The following MTHFD1L variants were observed in gnomAD, a reference collection of about 807,000 sequenced individuals.
The protein encoded by MTHFD1L is methylenetetrahydrofolate dehydrogenase (NADP+ dependent) 1 like, also known as monofunctional C1-tetrahydrofolate synthase, mitochondrial.
MTHFD1L carries 81 observed loss-of-function variants against 119.5 expected under a neutral mutation model. The ratio of observed to expected loss-of-function variants is 0.68; its 90% CI spans 0.57 to 0.82. MTHFD1L has a LOEUF of 0.82. MTHFD1L is among the 40% of genes least tolerant of loss of function. MTHFD1L has a pLI of 0.00. For missense variants in MTHFD1L, 1,125 were observed against 1,253.4 expected (o/e 0.90, Z 1.55); for synonymous variants, 430 against 475.2 (o/e 0.90, Z 1.24).
At position 151,067,715 on chromosome 6, in the gene MTHFD1L, A is replaced by G. The variant is rs142933607; in HGVS notation, c.2848-24752A>G. Among the ~76,000 whole-genome samples the G allele has an allele frequency of 1.4e-3, 215 of 152,372 alleles. 1 individual carries two copies. The highest frequency in any genetic ancestry group is 4.0e-3 in the Admixed American group (62 of 15,310). The stretch of plus-strand genomic sequence containing the variant: ...TGTTAAACATAAATGTAGATGGGTA[A>G]CCATGTATACAAATGCATATCTCCT... On this transcript the variant is annotated intron_variant, in intron 26 of 27. Coordinates refer to ENST00000367321, the MANE Select transcript of MTHFD1L (RefSeq NM_015440.5).
intron 13 of MTHFD1L, among the ~76,000 whole-genome samples, chr6:150,939,568 G>A (rs549932573): frequency 9.3e-4 from 142 of 151,930 alleles, no homozygotes; most frequent in African/African-American, 3.2e-3. Context: ...CATTTCCGCC[G>A]TTGCCTGTCA....
At chr6:151,044,117 T>G (rs1787567548) in intron 26 of MTHFD1L, among the ~76,000 whole-genome samples, 1 of 152,018 alleles carries the variant, frequency 6.6e-6, no homozygotes, top group Admixed American at 6.6e-5. Flanking sequence ...CGACTGGTGC[T>G]TCCTTCTCCC....
chr6:150,997,879 A>T lies in MTHFD1L; in HGVS notation c.2126-11940A>T, dbSNP rs74463112. Among the ~76,000 whole-genome samples, 10 of 152,344 alleles carry T rather than the reference A, an allele frequency of 6.6e-5. No homozygotes were observed. The East Asian group carries it at 1.9e-3, about 29-fold the overall frequency. ...CAAAACTGAGCAGATTCTTTAGGCC[A>T]GGCCCGAGTAATCATTAAATCGATC... On this transcript the variant is annotated intron_variant, in intron 20 of 27. Transcript: ENST00000367321.
chr6:150,900,564 T>G (rs1242506566), intron 7 of MTHFD1L, among the ~76,000 whole-genome samples: 1 of 152,188 alleles, frequency 6.6e-6, no homozygotes, highest in Non-Finnish European at 1.5e-5. Context: ...GCCCCCAGCT[T>G]CCTGCAGACG....
chr6:151,095,181 T>G (rs1794800106), intron 27 of MTHFD1L, among the ~76,000 whole-genome samples: 1 of 152,180 alleles, frequency 6.6e-6, no homozygotes, highest in Admixed American at 6.5e-5. Context: ...GAAAATGAAG[T>G]AAGGGAGACT....
At chr6:151,034,461 A>C in intron 24 of MTHFD1L, 32 bp from the exon 25 acceptor site, 4 of 1,414,448 alleles carry the variant, frequency 2.8e-6, no homozygotes, top group Non-Finnish European at 4.0e-6. Context: ...GATTAAACTT[A>C]TACAATTTTG....
chr6:150,943,659 T>A (rs913148957), intron 13 of MTHFD1L, among the ~76,000 whole-genome samples: 17 of 152,154 alleles, frequency 1.1e-4, no homozygotes, highest in African/African-American at 4.1e-4. Flanking sequence ...GCCTGAAACT[T>A]TTGGTACATC....
At chr6:151,000,693 T>G (rs967614609) in intron 20 of MTHFD1L, among the ~76,000 whole-genome samples, 5 of 152,258 alleles carry the variant, frequency 3.3e-5, no homozygotes, top group South Asian at 2.1e-4. Context: ...AATCCTCACT[T>G]TCTCCCCTTT....
At chr6:150,987,283 C>A (rs1355114639) in intron 20 of MTHFD1L, among the ~76,000 whole-genome samples, 2 of 152,054 alleles carry the variant, frequency 1.3e-5, no homozygotes, top group African/African-American at 4.8e-5. Flanking sequence ...GGTTTGAGAG[C>A]CCTTTCTTGC....
chr6:150,932,238 T>A (rs1328806726), intron 11 of MTHFD1L, among the ~76,000 whole-genome samples: 1 of 149,018 alleles, frequency 6.7e-6, no homozygotes, highest in Non-Finnish European at 1.5e-5. Context: ...GAACAGGTGA[T>A]GTGATAGCGG....
Position 151,045,964 on chromosome 6 carries a change from G to A in MTHFD1L, c.2847+8847G>A, listed in dbSNP as rs565497787. 4.6e-5 allele frequency among the ~76,000 whole-genome samples: 7 copies of A among 152,258 alleles called. No homozygotes were observed. In the East Asian group the frequency reaches 9.7e-4, roughly 21 times the overall value. On this transcript the variant is annotated intron_variant, in intron 26 of 27. Coordinates refer to ENST00000367321, the MANE Select transcript of MTHFD1L (RefSeq NM_015440.5). The stretch of plus-strand genomic sequence containing the variant: ...TTCAGGAGGAAGGAAAGTAACCAGC[G>A]TCGTTCTCAATTTCCAGAAACTGTT...
chr6:150,957,279 A>G (rs1019651632), intron 17 of MTHFD1L, among the ~76,000 whole-genome samples: 4 of 152,244 alleles, frequency 2.6e-5, no homozygotes, highest in East Asian at 1.9e-4. Flanking sequence ...AAATGCCAAC[A>G]TAAAAAGATG....
intron 15 of MTHFD1L, among the ~76,000 whole-genome samples, chr6:150,945,940 T>C (rs1163636135): frequency 2.0e-5 from 3 of 152,060 alleles, no homozygotes; most frequent in Non-Finnish European, 4.4e-5. Flanking sequence ...AGGTTTATAG[T>C]GCACCATGAT....
rs764681771 is a variant in MTHFD1L at position 150,885,701 on chromosome 6, G to A, written c.610G>A (p.Ala204Thr). ...CCATGAATGTTTTGTTTCACCTGTT[G>A]CCAAAGCTGTAATTGAACTTCTTGA... Reference protein sequence around the residue: ...DAHECFVSPVAKAVIELLEKS... With the variant: ...DAHECFVSPVTKAVIELLEKS... Residue 204 changes from alanine to threonine, a missense_variant, in exon 6 of 28, where the codon GCC (alanine) becomes ACC (threonine). Around this residue, in one of 3 missense-constraint regions of MTHFD1L, gnomAD observed 1,058 missense variants for 1,151.2 expected, o/e 0.92. Transcript: ENST00000367321. 4 of 1,613,936 alleles carry A rather than the reference G, an allele frequency of 2.5e-6. No individual in the cohort carries two copies. The highest frequency in any genetic ancestry group is 3.4e-6 in the Non-Finnish European group (4 of 1,179,908).
chr6:151,097,773 A>C lies in MTHFD1L; in HGVS notation c.*32-3753A>C, dbSNP rs371082997. On this transcript the variant is annotated intron_variant, in intron 27 of 27. Transcript: ENST00000367321. ...GGGGTGTACTTGAAATGATACCAAC[A>C]TACAGTAGTAATGATAAATACTCAA... Among the ~76,000 whole-genome samples, 13 of 152,350 alleles carry C rather than the reference A, an allele frequency of 8.5e-5. No homozygotes were observed. In the East Asian group the frequency reaches 1.2e-3, roughly 14 times the overall value.
At chr6:150,922,457 A>C (rs1395630407) in intron 10 of MTHFD1L, among the ~76,000 whole-genome samples, 155 bp downstream of exon 10, 1 of 152,048 alleles carries the variant, frequency 6.6e-6, no homozygotes, top group Admixed American at 6.5e-5. Context: ...CTCTATTGTA[A>C]ATTCTCCAAA....
chr6:150,931,805 A>G (rs1007937304), intron 11 of MTHFD1L, among the ~76,000 whole-genome samples: 3 of 152,196 alleles, frequency 2.0e-5, no homozygotes, highest in African/African-American at 7.2e-5. Context: ...TTGTGTCCAA[A>G]TGGTCACAGG....
intron 20 of MTHFD1L, among the ~76,000 whole-genome samples, chr6:151,003,269 C>T (rs369866483): frequency 1.1e-4 from 17 of 152,202 alleles, no homozygotes; most frequent in South Asian, 2.1e-4. Flanking sequence ...CCGTGGCTCA[C>T]GCCTGTAATC....
rs187983866 is a variant in MTHFD1L, at chr6:151,060,084, T to C, written c.2847+22967T>C. ...ATAAACAACTCAGTTAACGTTTACA[T>C]AGTAAATAATTGCATTGCCTTGGGC... On this transcript the variant is annotated intron_variant, in intron 26 of 27. Transcript: ENST00000367321. Among the ~76,000 whole-genome samples the C allele has an allele frequency of 2.8e-3, 423 of 152,284 alleles. 8 individuals are homozygous for C. Among genetic ancestry groups the C allele is most frequent in the African/African-American group, 9.6e-3 (397 of 41,536 alleles).
Sources: gnomAD v4.1 joint callset for allele counts (sites outside exome capture counted in the v4.1 genomes callset) on GRCh38, gnomAD v4.1.1 for gene constraint, gnomAD v4.1.1 regional missense constraint, MANE v1.5 for transcripts, NCBI Gene and HGNC (gene_info 2026-07-23, HGNC 2026-07-21) for gene names.